The following CCDC7 variants were observed in gnomAD, a reference collection of about 807,000 sequenced individuals.
The protein encoded by CCDC7 is coiled-coil domain-containing protein 7.
Under a neutral mutation model 196.9 loss-of-function variants are expected in CCDC7, and 183 were observed. The observed-to-expected ratio is 0.93, with a 90% CI of 0.82 to 1.05. CCDC7 has a LOEUF of 1.05. CCDC7 is among the 50% of genes least tolerant of loss of function. The pLI is 0.00. For missense variants in CCDC7, 1,540 were observed against 1,482.2 expected (o/e 1.04, Z -0.64); for synonymous variants, 525 against 484.6 (o/e 1.08, Z -1.10).
intron 18 of CCDC7, among the ~76,000 whole-genome samples, chr10:32,603,781 C>G (rs933496647): frequency 6.6e-6 from 1 of 151,770 alleles, no homozygotes; most frequent in Non-Finnish European, 1.5e-5. Flanking sequence ...AGATTTTTTG[C>G]CCAACTTTTA....
intron 41 of CCDC7, among the ~76,000 whole-genome samples, chr10:32,874,799 T>A (rs990529559): frequency 1.4e-5 from 2 of 145,742 alleles, no homozygotes; most frequent in African/African-American, 2.5e-5. Flanking sequence ...TACACACATA[T>A]ATATACTCAC....
At chr10:32,566,999 AAT>A (rs55723850) in intron 14 of CCDC7, among the ~76,000 whole-genome samples, 1 of 143,500 alleles carries the variant, frequency 7.0e-6, no homozygotes, top group Non-Finnish European at 1.5e-5. Context: ...TATATAAAAA[AAT>A]ATCTTTGTGT....
At chr10:32,771,164 C>T (rs2079103462) in intron 28 of CCDC7, among the ~76,000 whole-genome samples, 1 of 152,020 alleles carries the variant, frequency 6.6e-6, no homozygotes, top group Non-Finnish European at 1.5e-5. Context: ...ATTTTATAGG[C>T]CTGTGAGTTT....
chr10:32,589,287 A>G (rs1354931178), intron 18 of CCDC7, among the ~76,000 whole-genome samples: 1 of 152,134 alleles, frequency 6.6e-6, no homozygotes, highest in Non-Finnish European at 1.5e-5. Context: ...ACTTAACATA[A>G]TGTCCTCCAG....
intron 18 of CCDC7, among the ~76,000 whole-genome samples, chr10:32,605,440 C>T (rs888910711): frequency 2.0e-5 from 3 of 152,122 alleles, no homozygotes; most frequent in Admixed American, 6.5e-5. Flanking sequence ...ATTTGGAGGG[C>T]TCCGAAGAAG....
intron 18 of CCDC7, among the ~76,000 whole-genome samples, chr10:32,595,824 T>C (rs2060278122): frequency 6.6e-6 from 1 of 152,220 alleles, no homozygotes; most frequent in African/African-American, 2.4e-5. Context: ...CAGAAGCAGG[T>C]TGTTCAGTTT....
At chr10:32,717,438 T>C (rs2142036692) in intron 25 of CCDC7, among the ~76,000 whole-genome samples, 1 of 152,222 alleles carries the variant, frequency 6.6e-6, no homozygotes, top group African/African-American at 2.4e-5. Flanking sequence ...GGGAAAGACC[T>C]AAAATCCGTA....
intron 16 of CCDC7, among the ~76,000 whole-genome samples, chr10:32,579,460 A>G (rs930704709): frequency 6.6e-6 from 1 of 152,182 alleles, no homozygotes; most frequent in Admixed American, 6.5e-5. Flanking sequence ...ATAATTCAGA[A>G]TGTCCTTATA....
At chr10:32,719,111 C>T (rs1341760751) in intron 25 of CCDC7, among the ~76,000 whole-genome samples, 2 of 152,192 alleles carry the variant, frequency 1.3e-5, no homozygotes, top group African/African-American at 4.8e-5. Context: ...ATCACACTAC[C>T]TGACTCCAAA....
chr10:32,782,416 C>A (rs899164324), intron 29 of CCDC7, among the ~76,000 whole-genome samples: 1 of 152,054 alleles, frequency 6.6e-6, no homozygotes, highest in Non-Finnish European at 1.5e-5. Flanking sequence ...TTAGAAGAAA[C>A]GGGGTTTCAC....
intron 9 of CCDC7, among the ~76,000 whole-genome samples, chr10:32,492,490 A>G (rs1258648590): frequency 1.3e-5 from 2 of 152,216 alleles, no homozygotes; most frequent in Non-Finnish European, 2.9e-5. Flanking sequence ...ATATACATAT[A>G]ATGAAATTAT....
At chr10:32,865,389 G>A (rs2094163928) in intron 41 of CCDC7, among the ~76,000 whole-genome samples, 1 of 130,124 alleles carries the variant, frequency 7.7e-6, no homozygotes, top group Non-Finnish European at 1.6e-5. Flanking sequence ...GCCACAGTGA[G>A]GTACTCCTAT....
At chr10:32,794,251 G>T (rs2083186820) in intron 29 of CCDC7, among the ~76,000 whole-genome samples, 1 of 152,076 alleles carries the variant, frequency 6.6e-6, no homozygotes, top group Non-Finnish European at 1.5e-5. Context: ...CAAAGGACAT[G>T]ATTTTATTCT....
chr10:32,467,231 A>G (rs1047505780), intron 5 of CCDC7, among the ~76,000 whole-genome samples: 3 of 150,992 alleles, frequency 2.0e-5, no homozygotes, highest in Admixed American at 1.3e-4. Context: ...CCTCACAAGT[A>G]GCTGGGACTA....
At chr10:32,692,676 T>G (rs2141282328) in intron 23 of CCDC7, among the ~76,000 whole-genome samples, 1 of 152,330 alleles carries the variant, frequency 6.6e-6, no homozygotes, top group African/African-American at 2.4e-5. Context: ...TTTGAGTTGG[T>G]CTATTAAGAT....
intron 20 of CCDC7, among the ~76,000 whole-genome samples, chr10:32,647,049 G>T (rs2067889050): frequency 6.6e-6 from 1 of 152,140 alleles, no homozygotes; most frequent in African/African-American, 2.4e-5. Flanking sequence ...ATATTTGAGT[G>T]CATGTGTTTT....
intron 37 of CCDC7, 95 bp downstream of exon 38, chr10:32,846,554 T>C: frequency 1.4e-6 from 1 of 695,322 alleles, no homozygotes; most frequent in Non-Finnish European, 2.4e-6. Flanking sequence ...AGTGCCTACA[T>C]GTTAGTGTTA....
chr10:32,737,080 G>A (rs2084986647), intron 28 of CCDC7, among the ~76,000 whole-genome samples: 1 of 152,104 alleles, frequency 6.6e-6, no homozygotes, highest in African/African-American at 2.4e-5. Context: ...ATGGGCTTTA[G>A]ATTTTGCCAA....
intron 28 of CCDC7, among the ~76,000 whole-genome samples, chr10:32,746,071 C>A (rs2074671375): frequency 6.6e-6 from 1 of 152,060 alleles, no homozygotes; most frequent in South Asian, 2.1e-4. Flanking sequence ...GATGGCTGAC[C>A]AGACACAGCC....
Sources: gnomAD v4.1 joint callset for allele counts (sites outside exome capture counted in the v4.1 genomes callset) on GRCh38, gnomAD v4.1.1 for gene constraint, MANE v1.5 for transcripts, NCBI Gene and HGNC (gene_info 2026-07-23, HGNC 2026-07-21) for gene names.